CCSER1: variants seen among roughly 807,000 people sequenced by gnomAD.
CCSER1 encodes serine-rich coiled-coil domain-containing protein 1.
CCSER1 carries 41 observed loss-of-function variants against 82.0 expected under a neutral mutation model. The observed-to-expected ratio is 0.50, with a 90% CI of 0.39 to 0.65. The LOEUF (loss-of-function observed/expected upper bound fraction) is 0.65, where lower values mean the gene tolerates loss of function less well. Among genes scored for constraint, CCSER1 ranks in the 30% least tolerant of loss-of-function variants. CCSER1 has a pLI of 0.00. For synonymous variants in CCSER1, 414 were observed against 383.9 expected, an observed-to-expected ratio of 1.08 and a Z score of -0.92; for missense variants, 1,119 against 1,064.2, an observed-to-expected ratio of 1.05 and a Z score of -0.72.
chr4:91,183,669 T>C (rs6532282), intron 10 of CCSER1, among the ~76,000 whole-genome samples: 110,904 of 152,016 alleles, frequency 0.73, 40,731 homozygotes, highest in Non-Finnish European at 0.78. Flanking sequence ...AAGAAAAAGC[T>C]ACTCTACTAA....
intron 10 of CCSER1, among the ~76,000 whole-genome samples, chr4:91,179,126 G>A (rs891252011): frequency 1.3e-5 from 2 of 152,072 alleles, no homozygotes; most frequent in African/African-American, 4.8e-5. Flanking sequence ...GTGAATATTG[G>A]CCCCCACTCT....
intron 5 of CCSER1, among the ~76,000 whole-genome samples, chr4:90,589,816 T>C (rs562353245): frequency 1.4e-4 from 22 of 152,210 alleles, no homozygotes; most frequent in Non-Finnish European, 2.6e-4. Context: ...CTAGAAACTT[T>C]CTATTAAAAT....
chr4:90,157,503 A>G (rs1203031750), intron 1 of CCSER1, among the ~76,000 whole-genome samples: 1 of 152,202 alleles, frequency 6.6e-6, no homozygotes, highest in Non-Finnish European at 1.5e-5. Context: ...CGTCACTTTC[A>G]GATACACCAA....
At chr4:91,076,002 T>C (rs1175084625) in intron 9 of CCSER1, among the ~76,000 whole-genome samples, 5 of 152,322 alleles carry the variant, frequency 3.3e-5, no homozygotes, top group East Asian at 3.9e-4. Context: ...AGTCTTGCTC[T>C]AGTACTCAAG....
chr4:90,402,945 A>C (rs1445658353), intron 4 of CCSER1, among the ~76,000 whole-genome samples: 2 of 152,362 alleles, frequency 1.3e-5, no homozygotes, highest in East Asian at 3.9e-4. Flanking sequence ...ACTGAGTCAT[A>C]TAAATTGTTC....
chr4:90,653,940 TAGA>T (rs1165816820), intron 6 of CCSER1, among the ~76,000 whole-genome samples: 1 of 152,084 alleles, frequency 6.6e-6, no homozygotes, highest in Non-Finnish European at 1.5e-5. Flanking sequence ...ACAATCATGG[TAGA>T]AGGCAAAGAG....
At chr4:90,766,187 A>G (rs950619824) in intron 7 of CCSER1, among the ~76,000 whole-genome samples, 1 of 152,158 alleles carries the variant, frequency 6.6e-6, no homozygotes, top group Non-Finnish European at 1.5e-5. Context: ...GTGCCTATCA[A>G]CCAGCCTACT....
Position 91,604,091 on chromosome 4 carries a change from C to CTAGT in CCSER1, c.*5038_*5041dup, listed in dbSNP as rs779590898. The CTAGT allele has an allele frequency of 6.6e-6, 1 of 152,090 alleles. No homozygotes were observed. The highest frequency in any genetic ancestry group is 1.5e-5 in the Non-Finnish European group (1 of 67,994). The allele number at this position is 152,090 out of a possible 1,614,324, so 9.4% of individuals were successfully genotyped here. ...CTTCCCTAATCACATACTTCAATAA[C>CTAGT]TAGTTAGGTAATTATTGTTTTACTC... is the stretch of plus-strand genomic sequence containing the variant. On this transcript the variant is annotated 3_prime_UTR_variant, in exon 11 of 11. Transcript: ENST00000509176.
intron 10 of CCSER1, among the ~76,000 whole-genome samples, chr4:91,351,460 T>C (rs760214146): frequency 7.2e-5 from 11 of 152,104 alleles, no homozygotes; most frequent in Non-Finnish European, 1.5e-4. Context: ...TTTCTTGTTT[T>C]GTTTAAAATT....
intron 10 of CCSER1, among the ~76,000 whole-genome samples, chr4:91,489,516 C>G (rs563872801): frequency 1.3e-5 from 2 of 152,214 alleles, no homozygotes; most frequent in African/African-American, 4.8e-5. Flanking sequence ...CAAGATTAAG[C>G]TTCCTAGGCC....
At chr4:90,145,398 G>C (rs1725615098) in intron 1 of CCSER1, among the ~76,000 whole-genome samples, 2 of 152,212 alleles carry the variant, frequency 1.3e-5, no homozygotes, top group Admixed American at 1.3e-4. Context: ...CCTGCTTTTT[G>C]TGTCATATGT....
At chr4:91,345,675 A>G (rs910612168) in intron 10 of CCSER1, among the ~76,000 whole-genome samples, 1 of 152,180 alleles carries the variant, frequency 6.6e-6, no homozygotes, top group Non-Finnish European at 1.5e-5. Flanking sequence ...ACCAGTATCA[A>G]TACATTGTTA....
At chr4:90,997,475 T>G (rs530542020) in intron 9 of CCSER1, among the ~76,000 whole-genome samples, 21 of 152,280 alleles carry the variant, frequency 1.4e-4, no homozygotes, top group African/African-American at 4.8e-4. Flanking sequence ...GCAGAGTCCC[T>G]TTTATAAGTA....
At chr4:90,643,564 A>G (rs1259838188) in intron 6 of CCSER1, among the ~76,000 whole-genome samples, 1 of 152,212 alleles carries the variant, frequency 6.6e-6, no homozygotes, top group Non-Finnish European at 1.5e-5. Flanking sequence ...TGTAGAGAAT[A>G]TTAAATGTGT....
At chr4:91,489,606 A>G (rs888219613) in intron 10 of CCSER1, among the ~76,000 whole-genome samples, 2 of 152,078 alleles carry the variant, frequency 1.3e-5, no homozygotes, top group Non-Finnish European at 2.9e-5. Flanking sequence ...GGAGTTAGAG[A>G]CCAGCCTGAC....
intron 8 of CCSER1, among the ~76,000 whole-genome samples, chr4:90,817,984 G>T (rs1390236433): frequency 6.6e-6 from 1 of 151,972 alleles, no homozygotes; most frequent in Non-Finnish European, 1.5e-5. Context: ...TATACTACAG[G>T]TTCATAATCT....
intron 10 of CCSER1, among the ~76,000 whole-genome samples, chr4:91,433,592 T>C (rs1253983240): frequency 6.6e-6 from 1 of 152,222 alleles, no homozygotes; most frequent in African/African-American, 2.4e-5. Flanking sequence ...ACATTTACCA[T>C]GTGTTACAGT....
At position 91,210,194 on chromosome 4, in the gene CCSER1, A is replaced by G. The variant is rs1310793301; in HGVS notation, c.2217+124200A>G. 6.6e-5 allele frequency among the ~76,000 whole-genome samples: 10 copies of G among 151,634 alleles called. No homozygotes were observed. In the East Asian group the frequency reaches 1.7e-3, roughly 26 times the overall value. On this transcript the variant is annotated intron_variant, in intron 10 of 10. Transcript: ENST00000509176. Reference sequence around the variant, plus strand: ...GTGCACCTAAACAAATGCTATTTATAACATTATAAATTATATATCTTCAAT... The same window carrying G: ...GTGCACCTAAACAAATGCTATTTATGACATTATAAATTATATATCTTCAAT...
chr4:90,492,515 T>C (rs1364413913), intron 5 of CCSER1, among the ~76,000 whole-genome samples: 2 of 152,194 alleles, frequency 1.3e-5, no homozygotes, highest in Admixed American at 1.3e-4. Flanking sequence ...TGTCTCTATC[T>C]CCTTCAGTTG....
Sources: gnomAD v4.1 joint callset for allele counts (sites outside exome capture counted in the v4.1 genomes callset) on GRCh38, gnomAD v4.1.1 for gene constraint, MANE v1.5 for transcripts, NCBI Gene and HGNC (gene_info 2026-07-23, HGNC 2026-07-21) for gene names.